The following DYM variants were observed in gnomAD, a reference collection of about 807,000 sequenced individuals.
DYM encodes the protein dymeclin.
DYM carries 78 observed loss-of-function variants against 93.1 expected under a neutral mutation model. The ratio of observed to expected loss-of-function variants is 0.84; its 90% CI spans 0.70 to 1.01. The LOEUF is 1.01. Ranked by LOEUF, DYM falls within the 50% of genes least tolerant of loss-of-function variation. The pLI is 0.00. For synonymous variants in DYM, 321 were observed against 319.7 expected, an observed-to-expected ratio of 1.00 and a Z score of -0.04; for missense variants, 789 against 845.0, an observed-to-expected ratio of 0.93 and a Z score of 0.82.
At chr18:49,252,742 G>C (rs1427212859) in intron 13 of DYM, among the ~76,000 whole-genome samples, 1 of 152,204 alleles carries the variant, frequency 6.6e-6, no homozygotes, top group Non-Finnish European at 1.5e-5. Context: ...GAAGCCAGAG[G>C]AAACAGCCAG....
intron 6 of DYM, among the ~76,000 whole-genome samples, chr18:49,342,382 C>G (rs1003498177): frequency 1.3e-4 from 20 of 152,176 alleles, no homozygotes; most frequent in African/African-American, 4.3e-4. Context: ...AGGTCTTTAA[C>G]TTTAAACACA....
intron 6 of DYM, among the ~76,000 whole-genome samples, 164 bp downstream of exon 6, chr18:49,362,997 C>T (rs1370176972): frequency 6.6e-6 from 1 of 152,180 alleles, no homozygotes; most frequent in Non-Finnish European, 1.5e-5. Context: ...AATGAATAGT[C>T]AGTCTAAATA....
rs139703651 is a variant in DYM at position 49,233,343 on chromosome 18, G to A, written c.1461-23628C>T. ...TACTGCACTCCATCCTGGGTGACAGGGCAAGATTCCATCAAAAAAAAAAAA... is the reference window on the plus strand; with the variant it reads ...TACTGCACTCCATCCTGGGTGACAGAGCAAGATTCCATCAAAAAAAAAAAA... On this transcript the variant is annotated intron_variant, in intron 13 of 17. Transcript: ENST00000675505. Among the ~76,000 whole-genome samples the A allele has an allele frequency of 7.3e-4, 109 of 149,118 alleles. 1 individual carries two copies. The East Asian group carries it at 0.017, about 23-fold the overall frequency.
intron 17 of DYM, chr18:49,093,209 C>G (rs376855406): frequency 7.2e-5 from 11 of 152,122 alleles, no homozygotes; most frequent in African/African-American, 2.7e-4. Flanking sequence ...GGAGCATGAT[C>G]GGCTCACCTG....
At chr18:49,169,947 C>A (rs890187352) in intron 14 of DYM, among the ~76,000 whole-genome samples, 2 of 152,082 alleles carry the variant, frequency 1.3e-5, no homozygotes, top group Non-Finnish European at 1.5e-5. Context: ...GCAGAGACAG[C>A]ATGGAGCGGG....
At chr18:49,104,484 G>T (rs182638241) in intron 16 of DYM, among the ~76,000 whole-genome samples, 22 of 152,182 alleles carry the variant, frequency 1.4e-4, no homozygotes, top group Middle Eastern at 3.4e-3. Context: ...CATCCCTGTC[G>T]TGTGCCAGTT....
chr18:49,141,836 G>C (rs1477022408), intron 15 of DYM, among the ~76,000 whole-genome samples: 1 of 152,016 alleles, frequency 6.6e-6, no homozygotes, highest in East Asian at 1.9e-4. Flanking sequence ...AATATGACAT[G>C]AATAAAATCA....
chr18:49,333,212 T>C (rs894732997), intron 7 of DYM, among the ~76,000 whole-genome samples: 13 of 152,204 alleles, frequency 8.5e-5, no homozygotes, highest in Admixed American at 6.5e-5. Flanking sequence ...TAGGAGATCG[T>C]AAGCTTCTGC....
chr18:49,383,321 T>C (rs1242630195), intron 3 of DYM, among the ~76,000 whole-genome samples: 5 of 152,190 alleles, frequency 3.3e-5, no homozygotes, highest in Admixed American at 2.6e-4. Context: ...GAGATACATA[T>C]TCGGCCTGGA....
chr18:49,036,534 C>A lies in DYM; in HGVS notation c.*7521G>T, dbSNP rs2070707705. On this transcript the variant is annotated 3_prime_UTR_variant, in exon 18 of 18. Coordinates refer to ENST00000675505, the MANE Select transcript of DYM (RefSeq NM_001353214.3). ...ACTAGATTTAAAATTTATTGGTATTCATAATATTCTCTTAAATATGTATAC... is the reference window on the plus strand; with the variant it reads ...ACTAGATTTAAAATTTATTGGTATTAATAATATTCTCTTAAATATGTATAC... 6.6e-6 allele frequency among the ~76,000 whole-genome samples: 1 copy of A among 152,138 alleles called. No individual in the cohort carries two copies.
At chr18:49,265,038 AC>A (rs1186843881) in intron 11 of DYM, among the ~76,000 whole-genome samples, 2 of 152,234 alleles carry the variant, frequency 1.3e-5, no homozygotes, top group South Asian at 4.1e-4. Context: ...AATTAGTAAT[AC>A]CAAATATACT....
At chr18:49,231,110 C>T (rs1182606534) in intron 13 of DYM, among the ~76,000 whole-genome samples, 2 of 152,124 alleles carry the variant, frequency 1.3e-5, no homozygotes, top group Non-Finnish European at 2.9e-5. Flanking sequence ...GTTCAAAGAA[C>T]CTTAAGATCA....
At chr18:49,054,183 C>T (rs1176699489) in intron 17 of DYM, among the ~76,000 whole-genome samples, 3 of 152,210 alleles carry the variant, frequency 2.0e-5, no homozygotes, top group Non-Finnish European at 2.9e-5. Flanking sequence ...CTATGAATAA[C>T]ATCAGCAATG....
At chr18:49,246,934 T>G (rs1430892934) in intron 13 of DYM, among the ~76,000 whole-genome samples, 1 of 152,200 alleles carries the variant, frequency 6.6e-6, no homozygotes, top group Non-Finnish European at 1.5e-5. Context: ...TAAGGAGTGT[T>G]GGGAGACAAT....
chr18:49,264,171 A>G (rs2094534586), intron 11 of DYM, among the ~76,000 whole-genome samples: 1 of 151,342 alleles, frequency 6.6e-6, no homozygotes, highest in African/African-American at 2.4e-5. Context: ...CTGCTTTACA[A>G]TATTTCATTT....
At chr18:49,176,260 A>G (rs897674793) in intron 14 of DYM, among the ~76,000 whole-genome samples, 2 of 152,302 alleles carry the variant, frequency 1.3e-5, no homozygotes, top group East Asian at 3.9e-4. Flanking sequence ...AAAATACACA[A>G]TCTGTCAATA....
At chr18:49,125,572 C>T (rs767130958) in intron 15 of DYM, among the ~76,000 whole-genome samples, 74 of 152,178 alleles carry the variant, frequency 4.9e-4, no homozygotes, top group Non-Finnish European at 8.7e-4. Flanking sequence ...AGAATTTCTA[C>T]GTGCATTACT....
At chr18:49,392,114 G>A (rs1396780150) in intron 2 of DYM, among the ~76,000 whole-genome samples, 1 of 152,054 alleles carries the variant, frequency 6.6e-6, no homozygotes, top group Admixed American at 6.5e-5. Context: ...AAAGAGAGAC[G>A]ATACATATAT....
At chr18:49,143,508 C>T (rs2084756421) in intron 15 of DYM, among the ~76,000 whole-genome samples, 1 of 152,078 alleles carries the variant, frequency 6.6e-6, no homozygotes, top group Admixed American at 6.6e-5. Context: ...ATTTAATTCT[C>T]ATAAAATTTG....
Sources: gnomAD v4.1 joint callset for allele counts (sites outside exome capture counted in the v4.1 genomes callset) on GRCh38, gnomAD v4.1.1 for gene constraint, MANE v1.5 for transcripts, NCBI Gene and HGNC (gene_info 2026-07-23, HGNC 2026-07-21) for gene names.